Variants in HOXC6 observed in about 807,000 individuals in gnomAD.
HOXC6 encodes the protein homeobox protein Hox-C6.
Under a neutral mutation model 24.0 loss-of-function variants are expected in HOXC6, and 10 were observed. That is an observed-to-expected ratio of 0.42 (90% CI 0.26 to 0.71). The LOEUF (loss-of-function observed/expected upper bound fraction) is 0.71, where lower values mean the gene tolerates loss of function less well. Ranked by LOEUF, HOXC6 falls within the 30% of genes least tolerant of loss-of-function variation. The probability of loss-of-function intolerance (pLI) is 0.28; values close to 1 mark genes in which losing one functional copy is unlikely to be tolerated. For missense variants in HOXC6, 258 were observed against 303.4 expected, an observed-to-expected ratio of 0.85 and a Z score of 1.11; for synonymous variants, 123 against 128.1, an observed-to-expected ratio of 0.96 and a Z score of 0.27.
In HOXC6 at chr12:54,030,017, C is replaced by G. The variant is rs1006773536; in HGVS notation, c.*55C>G. 7.1e-7 allele frequency: 1 copy of G among 1,402,866 alleles called. No homozygotes were observed. The highest frequency in any genetic ancestry group is 1.5e-5 in the South Asian group (1 of 68,480). 86.9% of individuals were successfully genotyped at this position (1,402,866 alleles called of 1,614,324 possible). On this transcript the variant is annotated 3_prime_UTR_variant, in exon 2 of 2. Coordinates refer to ENST00000243108, the MANE Select transcript of HOXC6 (RefSeq NM_004503.4). ...CTTTCTCCCTCGCTCCCCACCAACT[C>G]TCCCCTAATCACACACTCTGTATTT...
At chr12:54,028,408 C>A, upstream of HOXC6, 16 of 1,215,106 alleles carry the variant, frequency 1.3e-5, no homozygotes, top group Non-Finnish European at 1.5e-5. Flanking sequence ...CTGACTTTGT[C>A]ATTTTGTCTG....
At chr12:54,018,518 T>C (rs1466777022) in intron 1 of HOXC6, among the ~76,000 whole-genome samples, 1 of 152,220 alleles carries the variant, frequency 6.6e-6, no homozygotes, top group Non-Finnish European at 1.5e-5. Flanking sequence ...GGGATCTCTC[T>C]AATAATTGGT....
chr12:54,030,021 C>T lies in HOXC6; in HGVS notation c.*59C>T. 7.3e-7 allele frequency: 1 copy of T among 1,373,592 alleles called. No individual in the cohort carries two copies. The highest frequency in any genetic ancestry group is 9.8e-7 in the Non-Finnish European group (1 of 1,023,706). The allele number at this position is 1,373,592 out of a possible 1,614,324, so 85.1% of individuals were successfully genotyped here. A position where few individuals can be genotyped will look rare whatever the true frequency, so the allele number is the denominator to read the frequency against. On this transcript the variant is annotated 3_prime_UTR_variant, in exon 2 of 2. Coordinates refer to ENST00000243108, the MANE Select transcript of HOXC6 (RefSeq NM_004503.4). Reference sequence around the variant, plus strand: ...CTCCCTCGCTCCCCACCAACTCTCCCCTAATCACACACTCTGTATTTATCA... The same window carrying T: ...CTCCCTCGCTCCCCACCAACTCTCCTCTAATCACACACTCTGTATTTATCA...
chr12:54,018,830 A>G (rs1005140992), intron 1 of HOXC6, among the ~76,000 whole-genome samples: 1 of 152,070 alleles, frequency 6.6e-6, no homozygotes, highest in Non-Finnish European at 1.5e-5. Flanking sequence ...CTAAGCCAAG[A>G]CACCCCCTCT....
intron 1 of HOXC6, 149 bp downstream of exon 1, chr12:54,029,070 C>G: frequency 1.3e-6 from 1 of 788,682 alleles, no homozygotes; most frequent in Admixed American, 2.9e-5. Context: ...CCCTCTTCTG[C>G]CCCCTCAGCT....
upstream of HOXC6, among the ~76,000 whole-genome samples, chr12:54,024,931 T>C (rs1262864178): frequency 6.6e-6 from 1 of 152,218 alleles, no homozygotes. Flanking sequence ...CAAGTGGCAA[T>C]TTTTCCCTTG....
chr12:54,028,780 T>A lies in HOXC6; in HGVS notation c.259T>A (p.Cys87Ser). 8 of 1,614,168 alleles carry A rather than the reference T, an allele frequency of 5.0e-6. No homozygotes were observed. The highest frequency in any genetic ancestry group is 6.8e-6 in the Non-Finnish European group (8 of 1,180,028). Residue 87 changes from cysteine to serine, a missense_variant, in exon 1 of 2, where the codon TGC becomes AGC. Coordinates refer to ENST00000243108, the MANE Select transcript of HOXC6 (RefSeq NM_004503.4). ...CCAGGAGAAAGACATGCTCTCAAAC[T>A]GCAGACAAAACACCTTAGGACATAA... ...FYQEKDMLSN[C>S]RQNTLGHNTQ...
intron 1 of HOXC6, chr12:54,022,378 G>A (rs549845304): frequency 6.6e-6 from 1 of 152,226 alleles, no homozygotes; most frequent in Admixed American, 6.5e-5. Flanking sequence ...GATCCTATAT[G>A]TCTCCAATCC....
upstream of HOXC6, among the ~76,000 whole-genome samples, chr12:54,026,973 G>GA (rs1299383703): frequency 0.03 from 4,192 of 140,798 alleles, 212 homozygotes; most frequent in African/African-American, 0.099. Flanking sequence ...GTGGGGGGGG[G>GA]GGGATATGAG....
At position 54,029,840 on chromosome 12, in the gene HOXC6, T is replaced by A. The variant is rs777768728; in HGVS notation, c.586T>A (p.Trp196Arg). 26 of 1,612,178 alleles carry A rather than the reference T, an allele frequency of 1.6e-5. No individual in the cohort carries two copies. Among genetic ancestry groups the A allele is most frequent in the Admixed American group, 5.0e-5 (3 of 59,834 alleles). ...KIWFQNRRMK[W>R]KKESNLTSTL... is the part of the protein sequence containing the mutation. ...CTGGTTCCAGAACCGCCGGATGAAG[T>A]GGAAAAAAGAATCTAATCTCACATC... Residue 196 changes from tryptophan (W) to arginine (R), a missense_variant, in exon 2 of 2, where the codon TGG becomes AGG. Transcript: ENST00000243108.
At chr12:54,028,246 C>CATATAT (rs147627891), upstream of HOXC6, 570 of 149,416 alleles carry the variant, frequency 3.8e-3, 15 homozygotes, top group East Asian at 0.039. Flanking sequence ...AGTTCCCTTA[C>CATATAT]ATATATATAT....
At chr12:54,017,591 A>G (rs982598698) in intron 1 of HOXC6, among the ~76,000 whole-genome samples, 22 of 150,662 alleles carry the variant, frequency 1.5e-4, no homozygotes, top group East Asian at 3.9e-4. Flanking sequence ...AAACTGGAAT[A>G]CCGGTAACTG....
At position 54,028,643 on chromosome 12, in the gene HOXC6, G is replaced by A. The variant is rs1042229259; in HGVS notation, c.122G>A (p.Gly41Glu). The A allele has an allele frequency of 1.2e-6, 2 of 1,613,928 alleles. No homozygotes were observed. Among genetic ancestry groups the A allele is most frequent in the African/African-American group, 2.7e-5 (2 of 74,852 alleles). ...YDPVRHFSTY[G>E]AAVAQNRIYS... ...CCAGTGAGGCATTTCTCGACCTATG[G>A]AGCGGCCGTTGCCCAGAACCGGATC... is the stretch of plus-strand genomic sequence containing the variant. The change falls in exon 1 of 2, where the codon GGA (glycine) becomes GAA (glutamate). Residue 41 changes from glycine (G) to glutamate (E), a missense_variant. Physicochemically the swap from Gly to Glu is moderately conservative, Grantham distance 98. Transcript: ENST00000243108.
chr12:54,026,791 C>A (rs1023155088), upstream of HOXC6, among the ~76,000 whole-genome samples: 1 of 152,170 alleles, frequency 6.6e-6, no homozygotes, highest in Non-Finnish European at 1.5e-5. Flanking sequence ...GAAACCTTAA[C>A]GTTACAGAAG....
intron 1 of HOXC6, 139 bp downstream of exon 1, chr12:54,029,060 C>T (rs1329940910): frequency 1.2e-6 from 1 of 818,868 alleles, no homozygotes; most frequent in Non-Finnish European, 1.9e-6. Context: ...AGACAGGGCC[C>T]CCTCTTCTGC....
upstream of HOXC6, among the ~76,000 whole-genome samples, chr12:54,025,677 G>A (rs1333787916): frequency 1.3e-5 from 2 of 151,940 alleles, no homozygotes; most frequent in African/African-American, 2.4e-5. Flanking sequence ...ATAAATCGGC[G>A]AGACCTTTCA....
In HOXC6 at chr12:54,030,045, CA is replaced by C; in HGVS notation, c.*84del. On this transcript the variant is annotated 3_prime_UTR_variant, in exon 2 of 2. Coordinates refer to ENST00000243108, the MANE Select transcript of HOXC6 (RefSeq NM_004503.4). ...CCCTAATCACACACTCTGTATTTAT[CA>C]CTGGCACAATTGATGTGTTTTGATT... The C allele has an allele frequency of 7.8e-7, 1 of 1,283,550 alleles. No individual in the cohort carries two copies. The highest frequency in any genetic ancestry group is 1.1e-6 in the Non-Finnish European group (1 of 947,494). The allele number at this position is 1,283,550 out of a possible 1,614,324, so 79.5% of individuals were successfully genotyped here.
At chr12:54,027,714 C>T (rs1940787076), upstream of HOXC6, among the ~76,000 whole-genome samples, 2 of 152,120 alleles carry the variant, frequency 1.3e-5, no homozygotes, top group African/African-American at 4.8e-5. Flanking sequence ...GAGAAGGAGG[C>T]AGAAGGGAGC....
Position 54,030,099 on chromosome 12 carries a change from G to A in HOXC6, c.*137G>A, listed in dbSNP as rs1390296133. Reference sequence around the variant, plus strand: ...CTAAAACAAAATTAGGGAGTCAAACGTGGACCTGAAAGTCAGCTCTGGACC... The same window carrying A: ...CTAAAACAAAATTAGGGAGTCAAACATGGACCTGAAAGTCAGCTCTGGACC... On this transcript the variant is annotated 3_prime_UTR_variant, in exon 2 of 2. Coordinates refer to ENST00000243108, the MANE Select transcript of HOXC6 (RefSeq NM_004503.4). 2.5e-5 allele frequency: 22 copies of A among 888,890 alleles called. No homozygotes were observed. Among genetic ancestry groups the A allele is most frequent in the East Asian group, 1.6e-4 (6 of 37,074 alleles). 55.1% of individuals were successfully genotyped at this position (888,890 alleles called of 1,614,324 possible).
Sources: allele counts gnomAD v4.1 joint callset (sites outside exome capture counted in the v4.1 genomes callset), GRCh38; gene constraint gnomAD v4.1.1; transcripts MANE v1.5; gene names NCBI Gene and HGNC (gene_info 2026-07-23, HGNC 2026-07-21).